The following CDH12 variants were observed in gnomAD, a reference collection of about 807,000 sequenced individuals.
CDH12 encodes cadherin-12.
CDH12 carries 41 observed loss-of-function variants against 74.1 expected under a neutral mutation model. That is an observed-to-expected ratio of 0.55 (90% CI 0.43 to 0.72). The LOEUF (loss-of-function observed/expected upper bound fraction) is 0.72. CDH12 is among the 30% of genes least tolerant of loss of function. The pLI is 0.00. For missense variants in CDH12, 945 were observed against 977.2 expected, an observed-to-expected ratio of 0.97 and a Z score of 0.44; for synonymous variants, 399 against 355.0, an observed-to-expected ratio of 1.12 and a Z score of -1.39.
At chr5:22,788,195 T>C (rs568522307) in intron 1 of CDH12, among the ~76,000 whole-genome samples, 7 of 152,330 alleles carry the variant, frequency 4.6e-5, no homozygotes, top group African/African-American at 1.2e-4. Context: ...TCATCTGCAG[T>C]AGTCCTTATT....
chr5:22,751,626 G>A (rs953523582), intron 1 of CDH12, among the ~76,000 whole-genome samples: 1 of 152,024 alleles, frequency 6.6e-6, no homozygotes, highest in Admixed American at 6.5e-5. Flanking sequence ...CCATTTAGGA[G>A]GTGTTTGTAA....
At chr5:22,087,843 C>T (rs761412397) in intron 4 of CDH12, among the ~76,000 whole-genome samples, 1 of 152,118 alleles carries the variant, frequency 6.6e-6, no homozygotes, top group African/African-American at 2.4e-5. Flanking sequence ...ATGGAAAATG[C>T]TCCTACAGGG....
At chr5:22,524,919 T>C (rs945469179) in intron 1 of CDH12, among the ~76,000 whole-genome samples, 5 of 151,876 alleles carry the variant, frequency 3.3e-5, no homozygotes, top group Admixed American at 3.3e-4. Context: ...CATTAACTCG[T>C]CATTTACATT....
At chr5:22,316,504 G>C (rs550373421) in intron 3 of CDH12, among the ~76,000 whole-genome samples, 1 of 151,896 alleles carries the variant, frequency 6.6e-6, no homozygotes, top group Non-Finnish European at 1.5e-5. Flanking sequence ...CATTCACAGA[G>C]AATTTTACTG....
At chr5:22,700,354 A>G (rs549754355) in intron 1 of CDH12, among the ~76,000 whole-genome samples, 7 of 152,240 alleles carry the variant, frequency 4.6e-5, no homozygotes, top group African/African-American at 1.4e-4. Context: ...TCACATCCTC[A>G]TCACCTATGA....
At chr5:22,035,712 A>C (rs1448746022) in intron 5 of CDH12, among the ~76,000 whole-genome samples, 1 of 113,568 alleles carries the variant, frequency 8.8e-6, no homozygotes, top group Non-Finnish European at 1.8e-5. Context: ...CACTTCACAC[A>C]TACACACACA....
At chr5:22,116,170 C>T (rs1745087318) in intron 4 of CDH12, among the ~76,000 whole-genome samples, 1 of 152,114 alleles carries the variant, frequency 6.6e-6, no homozygotes, top group Non-Finnish European at 1.5e-5. Flanking sequence ...GCAGAGCTTC[C>T]TTTTCCTTTA....
intron 6 of CDH12, among the ~76,000 whole-genome samples, chr5:21,898,688 G>A (rs1323650537): frequency 1.3e-5 from 2 of 151,866 alleles, no homozygotes; most frequent in Admixed American, 6.6e-5. Context: ...GCAACAGAGC[G>A]AGACTCCATC....
chr5:22,211,262 C>T (rs575787965), intron 4 of CDH12, among the ~76,000 whole-genome samples: 2 of 152,186 alleles, frequency 1.3e-5, no homozygotes, highest in South Asian at 4.1e-4. Flanking sequence ...AATCTTTATA[C>T]AAAAGCAGCT....
chr5:21,959,806 G>A (rs1479949999), intron 6 of CDH12, among the ~76,000 whole-genome samples: 2 of 146,504 alleles, frequency 1.4e-5, no homozygotes, highest in African/African-American at 2.5e-5. Context: ...TGTGCCTGTA[G>A]TCCCAGCTAC....
intron 1 of CDH12, among the ~76,000 whole-genome samples, chr5:22,685,150 C>T (rs77409247): frequency 2.2e-4 from 33 of 152,144 alleles, no homozygotes; most frequent in Admixed American, 4.6e-4. Flanking sequence ...TGCCTATTAA[C>T]GTGTACAATT....
intron 3 of CDH12, among the ~76,000 whole-genome samples, chr5:22,276,593 G>A (rs1365108764): frequency 3.3e-5 from 5 of 152,202 alleles, no homozygotes; most frequent in African/African-American, 9.6e-5. Flanking sequence ...CATTCACTTT[G>A]CAAATGAACG....
At chr5:21,767,287 C>G (rs1029492561) in intron 11 of CDH12, among the ~76,000 whole-genome samples, 1 of 151,614 alleles carries the variant, frequency 6.6e-6, no homozygotes, top group Non-Finnish European at 1.5e-5. Context: ...CCACAGGGGA[C>G]AGGAGTTTTC....
intron 5 of CDH12, among the ~76,000 whole-genome samples, chr5:21,994,431 A>G (rs1034626717): frequency 1.3e-5 from 2 of 152,212 alleles, no homozygotes; most frequent in African/African-American, 4.8e-5. Context: ...TCTAAAGAAC[A>G]ACAACAAAAA....
intron 1 of CDH12, among the ~76,000 whole-genome samples, chr5:22,819,065 A>T (rs1219277942): frequency 2.6e-5 from 4 of 152,212 alleles, no homozygotes; most frequent in African/African-American, 7.2e-5. Flanking sequence ...TTGATTAAAA[A>T]ATCTGAAAAA....
At chr5:22,067,214 T>C (rs997937401) in intron 5 of CDH12, among the ~76,000 whole-genome samples, 3 of 152,186 alleles carry the variant, frequency 2.0e-5, no homozygotes, top group African/African-American at 7.2e-5. Flanking sequence ...CAGCAACTAC[T>C]CTATATGTAC....
chr5:22,251,046 C>T (rs980429214), intron 3 of CDH12, among the ~76,000 whole-genome samples: 2 of 152,042 alleles, frequency 1.3e-5, no homozygotes, highest in African/African-American at 4.8e-5. Context: ...AAATAATTTC[C>T]AAGGCTGATG....
At chr5:22,761,240 G>A (rs545932357) in intron 1 of CDH12, among the ~76,000 whole-genome samples, 1 of 152,306 alleles carries the variant, frequency 6.6e-6, no homozygotes, top group East Asian at 1.9e-4. Context: ...GACTGAAGAA[G>A]TATTCTGTTT....
rs59704352 is a variant in CDH12, at chr5:21,872,894, CATCT to C, written c.527-18108_527-18105del. On this transcript the variant is annotated intron_variant, in intron 6 of 14. Transcript: ENST00000382254. ...ATATATCAATCACCTACCTATCATC[CATCT>C]ATCTATCTATCTATCTATCTATCAT... Among the ~76,000 whole-genome samples, 156 of 146,846 alleles carry C rather than the reference CATCT, an allele frequency of 1.1e-3. 2 individuals are homozygous for C. The highest frequency in any genetic ancestry group is 3.7e-3 in the African/African-American group (144 of 39,448).
Sources: gnomAD v4.1 joint callset for allele counts (sites outside exome capture counted in the v4.1 genomes callset) on GRCh38, gnomAD v4.1.1 for gene constraint, MANE v1.5 for transcripts, NCBI Gene and HGNC (gene_info 2026-07-23, HGNC 2026-07-21) for gene names.